PRC1: variants seen among roughly 807,000 people sequenced by gnomAD.
The protein encoded by PRC1 is protein regulator of cytokinesis 1, also known as anaphase spindle elongation 1 homolog.
Under a neutral mutation model 91.2 loss-of-function variants are expected in PRC1, and 54 were observed. The observed-to-expected ratio is 0.59, with a 90% CI of 0.48 to 0.74. The LOEUF is 0.74. Ranked by LOEUF, PRC1 falls within the 30% of genes least tolerant of loss-of-function variation. PRC1 has a pLI of 0.00. For synonymous variants in PRC1, 275 were observed against 263.6 expected (o/e 1.04, Z -0.42); for missense variants, 727 against 746.2 (o/e 0.97, Z 0.30).
intron 12 of PRC1, 42 bp downstream of exon 12, chr15:90,970,362 G>A (rs1281551816): frequency 7.0e-7 from 1 of 1,430,822 alleles, no homozygotes; most frequent in Admixed American, 1.7e-5. Context: ...GAACAGGCTA[G>A]GGACGCATGT....
At chr15:90,978,740 C>T (rs1032351031) in intron 8 of PRC1, among the ~76,000 whole-genome samples, 3 of 107,704 alleles carry the variant, frequency 2.8e-5, no homozygotes, top group African/African-American at 3.9e-5. Context: ...GCAACAAGAG[C>T]GAAACTCCAC....
chr15:90,966,418 C>G lies in PRC1; in HGVS notation c.*713G>C. ...AACTGCGGGGGTAGAAGAACTCAGG[C>G]AAAGTAGGCACAGGAATGGGGGAGA... On this transcript the variant is annotated 3_prime_UTR_variant, in exon 15 of 15. Coordinates refer to ENST00000394249, the MANE Select transcript of PRC1 (RefSeq NM_003981.4). The G allele has an allele frequency of 2.9e-6, 1 of 346,018 alleles. No individual in the cohort carries two copies. Among genetic ancestry groups the G allele is most frequent in the Non-Finnish European group, 5.9e-6 (1 of 170,162 alleles). 21.4% of individuals were successfully genotyped at this position (346,018 alleles called of 1,614,324 possible).
chr15:90,969,686 A>G, intron 12 of PRC1, 63 bp from the exon 13 acceptor site: 1 of 1,417,434 alleles, frequency 7.1e-7, no homozygotes, highest in Non-Finnish European at 9.5e-7. Context: ...CGCACACACA[A>G]TACCTGCACT....
At chr15:90,993,472 A>T (rs953046430) in intron 1 of PRC1, among the ~76,000 whole-genome samples, 6 of 152,220 alleles carry the variant, frequency 3.9e-5, no homozygotes, top group African/African-American at 1.2e-4. Flanking sequence ...AGAATTAGTG[A>T]TCATGAAATG....
At position 90,974,447 on chromosome 15, in the gene PRC1, C is replaced by A. The variant is rs1010703437; in HGVS notation, c.1350+138G>T. 2.3e-6 allele frequency: 3 copies of A among 1,332,246 alleles called. No homozygotes were observed. Among genetic ancestry groups the A allele is most frequent in the Non-Finnish European group, 3.1e-6 (3 of 970,866 alleles). 82.5% of individuals were successfully genotyped at this position (1,332,246 alleles called of 1,614,324 possible). A position where few individuals can be genotyped will look rare whatever the true frequency, so the allele number is the denominator to read the frequency against. ...GTCCCCGGCTCCCCGTTCCACAAGC[C>A]CCGGTCCCCGGCTTCCCGTTCCACA... is the stretch of plus-strand genomic sequence containing the variant. On this transcript the variant is annotated intron_variant, in intron 10 of 14. Coordinates refer to ENST00000394249, the MANE Select transcript of PRC1 (RefSeq NM_003981.4). This position sits in a 1 kb window ranked among gnomAD's most constrained non-coding sequence, Gnocchi z 4.6.
At chr15:90,977,576 G>GTTTTTTTTTT (rs777558725) in intron 8 of PRC1, among the ~76,000 whole-genome samples, 1 of 95,478 alleles carries the variant, frequency 1.0e-5, no homozygotes, top group African/African-American at 4.4e-5. Flanking sequence ...CCTTATTTAC[G>GTTTTTTTTTT]TTTTTTTTTT....
intron 9 of PRC1, 58 bp downstream of exon 9, chr15:90,976,618 T>G: frequency 7.4e-7 from 1 of 1,346,032 alleles, no homozygotes; most frequent in Non-Finnish European, 1.1e-6. Context: ...GAAAAAGACA[T>G]ACAAATAGTG....
intron 8 of PRC1, among the ~76,000 whole-genome samples, chr15:90,978,412 T>G (rs1045172233): frequency 7.2e-5 from 11 of 151,738 alleles, no homozygotes; most frequent in African/African-American, 2.7e-4. Flanking sequence ...CTTGAAGGAG[T>G]GAGGGGCAAT....
At chr15:90,967,729 A>T in intron 14 of PRC1, 1 of 656,336 alleles carries the variant, frequency 1.5e-6, no homozygotes, top group Non-Finnish European at 1.9e-6. Flanking sequence ...CATATAGTTT[A>T]GGTGTGTAGG....
At chr15:90,969,764 ATATATATATATATATAT>A in intron 12 of PRC1, 141 bp from the exon 13 acceptor site, 18 of 9,436 alleles carry the variant, frequency 1.9e-3, no homozygotes, top group East Asian at 8.0e-3. Flanking sequence ...AAAAAAAAAC[ATATATATATATATATAT>A]ATATATATAT....
Position 90,976,823 on chromosome 15 carries a change from T to C in PRC1, c.1108-52A>G, listed in dbSNP as rs184739626. On this transcript the variant is annotated intron_variant, in intron 8 of 14. Transcript: ENST00000394249. ...GGAAAACCTGGCACCATGAGACCAA[T>C]AACTTCTGCTAAGATTCTTTGTTCT... 47 of 1,415,930 alleles carry C rather than the reference T, an allele frequency of 3.3e-5. No homozygotes were observed. The African/African-American group carries it at 6.0e-4, about 18-fold the overall frequency. The allele number at this position is 1,415,930 out of a possible 1,614,324, so 87.7% of individuals were successfully genotyped here. A position where few individuals can be genotyped will look rare whatever the true frequency, so the allele number is the denominator to read the frequency against.
At chr15:90,987,167 G>C (rs1422577442) in intron 1 of PRC1, among the ~76,000 whole-genome samples, 1 of 151,330 alleles carries the variant, frequency 6.6e-6, no homozygotes, top group East Asian at 1.9e-4. Context: ...TATAGTCCCA[G>C]CTACTCAGGA....
intron 1 of PRC1, among the ~76,000 whole-genome samples, chr15:90,992,265 A>G (rs1397966974): frequency 6.6e-6 from 1 of 152,196 alleles, no homozygotes; most frequent in Admixed American, 6.5e-5. Context: ...ATTTAAGACT[A>G]ACTTATTTAT....
chr15:90,992,113 C>A (rs753933324), intron 1 of PRC1, among the ~76,000 whole-genome samples: 1 of 152,162 alleles, frequency 6.6e-6, no homozygotes, highest in Non-Finnish European at 1.5e-5. Context: ...CATGGCTTCA[C>A]CCTTTTCCTT....
rs2037715335 is a variant in PRC1 at position 90,968,287 on chromosome 15, GA to G, written c.1791+791del. On this transcript the variant is annotated intron_variant, in intron 14 of 14. Coordinates refer to ENST00000394249, the MANE Select transcript of PRC1 (RefSeq NM_003981.4). ...AGAAGCACCACCAGCCACGTAATTT[GA>G]AAAACATGCTGGAGTAGGAAGCCAG... 4 of 985,356 alleles carry G rather than the reference GA, an allele frequency of 4.1e-6. No homozygotes were observed. The South Asian group carries it at 1.4e-4, about 35-fold the overall frequency. The allele number at this position is 985,356 out of a possible 1,614,324, so 61.0% of individuals were successfully genotyped here. A position where few individuals can be genotyped will look rare whatever the true frequency, so the allele number is the denominator to read the frequency against.
intron 1 of PRC1, among the ~76,000 whole-genome samples, chr15:90,993,843 G>A (rs1037447498): frequency 5.3e-5 from 8 of 152,230 alleles, no homozygotes; most frequent in African/African-American, 1.9e-4. Context: ...AACACTTTGG[G>A]AGGCCGAGGT....
chr15:90,976,833 T>G, intron 8 of PRC1, 62 bp from the exon 9 acceptor site: 1 of 1,390,622 alleles, frequency 7.2e-7, no homozygotes, highest in Admixed American at 1.8e-5. Context: ...TAACTTCTGC[T>G]AAGATTCTTT....
At chr15:90,993,877 G>T (rs1169423089) in intron 1 of PRC1, among the ~76,000 whole-genome samples, 1 of 152,100 alleles carries the variant, frequency 6.6e-6, no homozygotes, top group South Asian at 2.1e-4. Flanking sequence ...GAAGCCAGGA[G>T]TTCGAGACCA....
At chr15:90,982,855 G>C (rs1481107140) in intron 3 of PRC1, 2 of 152,016 alleles carry the variant, frequency 1.3e-5, no homozygotes, top group East Asian at 3.9e-4. Context: ...CTAATCCTAT[G>C]AACATCGTCT....
Sources: allele counts gnomAD v4.1 joint callset (sites outside exome capture counted in the v4.1 genomes callset), GRCh38; gene constraint gnomAD v4.1.1; non-coding constraint Gnocchi (gnomAD v3.1); transcripts MANE v1.5; gene names NCBI Gene and HGNC (gene_info 2026-07-23, HGNC 2026-07-21).